The following SLC4A10 variants were observed in gnomAD, a reference collection of about 807,000 sequenced individuals.
SLC4A10 encodes solute carrier family 4 member 10, also known as sodium-driven chloride bicarbonate exchanger.
SLC4A10 carries 42 observed loss-of-function variants against 137.7 expected under a neutral mutation model. That is an observed-to-expected ratio of 0.30 (90% CI 0.24 to 0.39). The LOEUF (loss-of-function observed/expected upper bound fraction) is 0.39. Ranked by LOEUF, SLC4A10 falls within the 10% of genes least tolerant of loss-of-function variation. The pLI is 1.00. For synonymous variants in SLC4A10, 474 were observed against 464.1 expected, an observed-to-expected ratio of 1.02 and a Z score of -0.27; for missense variants, 925 against 1,355.0, an observed-to-expected ratio of 0.68 and a Z score of 4.98.
At chr2:161,913,289 A>G (rs1344846810) in intron 15 of SLC4A10, among the ~76,000 whole-genome samples, 2 of 152,120 alleles carry the variant, frequency 1.3e-5, no homozygotes, top group African/African-American at 2.4e-5. Context: ...CCACTAATAC[A>G]CATACCATCA....
intron 1 of SLC4A10, among the ~76,000 whole-genome samples, chr2:161,655,846 G>A (rs1052048793): frequency 2.0e-5 from 3 of 148,066 alleles, no homozygotes; most frequent in African/African-American, 5.1e-5. Flanking sequence ...ACGGAGTCTC[G>A]CTCTGTCACC....
Position 161,879,128 on chromosome 2 carries a change from C to T in SLC4A10, c.949-3C>T, listed in dbSNP as rs754533678. The T allele has an allele frequency of 1.8e-5, 29 of 1,612,046 alleles. No homozygotes were observed. The African/African-American group carries it at 3.9e-4, about 22-fold the overall frequency. On this transcript the variant is annotated splice_polypyrimidine_tract_variant and splice_region_variant and intron_variant, in intron 8 of 26. Coordinates refer to ENST00000446997, the MANE Select transcript of SLC4A10 (RefSeq NM_001178015.2). ...TATCATATTTACCTGGTGATGCTTG[C>T]AGGTTGATCTGCATTTTATGAAAAA...
intron 10 of SLC4A10, among the ~76,000 whole-genome samples, chr2:161,886,531 C>T (rs1005579988): frequency 6.6e-6 from 1 of 152,080 alleles, no homozygotes; most frequent in Non-Finnish European, 1.5e-5. Flanking sequence ...ACTTAAACTG[C>T]TCTCAATAAA....
At chr2:161,740,049 C>A (rs2047726039) in intron 1 of SLC4A10, among the ~76,000 whole-genome samples, 1 of 152,192 alleles carries the variant, frequency 6.6e-6, no homozygotes. Context: ...CAGTAAAAAG[C>A]CAAAGACAGG....
At chr2:161,957,315 A>T in intron 20 of SLC4A10, 75 bp downstream of exon 20, 1 of 1,492,162 alleles carries the variant, frequency 6.7e-7, no homozygotes, top group Non-Finnish European at 9.0e-7. Flanking sequence ...TTTGAATCTG[A>T]GCCATAAATT....
At chr2:161,848,692 C>G (rs2059641807) in intron 4 of SLC4A10, among the ~76,000 whole-genome samples, 1 of 151,936 alleles carries the variant, frequency 6.6e-6, no homozygotes, top group Admixed American at 6.6e-5. Flanking sequence ...GATGGTTCTA[C>G]ATATGTGGCT....
In SLC4A10 at chr2:161,964,274, A is replaced by G; in HGVS notation, c.3002A>G (p.Lys1001Arg). The change falls in exon 22 of 27, where the codon AAA becomes AGA. Residue 1001 changes from lysine to arginine, a missense_variant. Transcript: ENST00000446997. ...MSCLGLLWII[K>R]VSRAAIVFPM... Reference sequence around the variant, plus strand: ...TGCCTTGGCCTTTTGTGGATAATAAAAGTTTCAAGAGCTGCTATTGTCTTT... The same window carrying G: ...TGCCTTGGCCTTTTGTGGATAATAAGAGTTTCAAGAGCTGCTATTGTCTTT... 3.1e-6 allele frequency: 5 copies of G among 1,613,612 alleles called. No homozygotes were observed. The highest frequency in any genetic ancestry group is 4.2e-6 in the Non-Finnish European group (5 of 1,179,648).
intron 21 of SLC4A10, among the ~76,000 whole-genome samples, chr2:161,963,350 T>C (rs1011522566): frequency 1.3e-5 from 2 of 151,990 alleles, no homozygotes; most frequent in African/African-American, 2.4e-5. Context: ...ACAAATAACA[T>C]TGATTGAGAT....
At chr2:161,857,135 C>A (rs2060151829) in intron 5 of SLC4A10, among the ~76,000 whole-genome samples, 1 of 152,160 alleles carries the variant, frequency 6.6e-6, no homozygotes, top group South Asian at 2.1e-4. Flanking sequence ...AGTTCACTTT[C>A]ATTGTCCAAA....
chr2:161,765,319 CA>C (rs1487860583), intron 1 of SLC4A10, among the ~76,000 whole-genome samples: 2 of 151,954 alleles, frequency 1.3e-5, no homozygotes, highest in African/African-American at 4.8e-5. Flanking sequence ...AATGTTTATC[CA>C]ATGGGGCTGG....
chr2:161,768,397 A>T (rs904443351), intron 1 of SLC4A10, among the ~76,000 whole-genome samples: 1 of 151,954 alleles, frequency 6.6e-6, no homozygotes, highest in Non-Finnish European at 1.5e-5. Context: ...TCTTTTCCCC[A>T]GTGCACACTC....
intron 18 of SLC4A10, among the ~76,000 whole-genome samples, chr2:161,949,696 C>T (rs530545316): frequency 1.3e-5 from 2 of 151,576 alleles, no homozygotes; most frequent in South Asian, 4.2e-4. Context: ...TGCTTGGGAT[C>T]GGAAGTGTTT....
intron 17 of SLC4A10, among the ~76,000 whole-genome samples, 194 bp from the exon 18 acceptor site, chr2:161,948,954 A>G (rs930135901): frequency 2.6e-5 from 4 of 152,094 alleles, no homozygotes; most frequent in African/African-American, 9.7e-5. Context: ...GTGTGTACCA[A>G]TCTTAACGAC....
intron 23 of SLC4A10, among the ~76,000 whole-genome samples, chr2:161,967,622 C>G (rs1046025114): frequency 4.6e-5 from 7 of 152,126 alleles, no homozygotes; most frequent in Non-Finnish European, 1.0e-4. Flanking sequence ...CTCTCACTCA[C>G]CAGAAATTTG....
In SLC4A10 at chr2:161,872,387, G is replaced by A. The variant is rs756463275; in HGVS notation, c.858+3G>A. 2 of 1,611,334 alleles carry A rather than the reference G, an allele frequency of 1.2e-6. No individual in the cohort carries two copies. The highest frequency in any genetic ancestry group is 8.5e-7 in the Non-Finnish European group (1 of 1,177,884). ...ACAGCACTGTTGACTTTAGCAAGGT[G>A]AGCTTTTCTCCCTCTCATCTAAGTA... On this transcript the variant is annotated splice_donor_region_variant and intron_variant, in intron 7 of 26. Coordinates refer to ENST00000446997, the MANE Select transcript of SLC4A10 (RefSeq NM_001178015.2).
At chr2:161,901,678 CA>C (rs903415501) in intron 12 of SLC4A10, among the ~76,000 whole-genome samples, 2 of 152,040 alleles carry the variant, frequency 1.3e-5, no homozygotes, top group Non-Finnish European at 2.9e-5. Flanking sequence ...CCCCTCCCCT[CA>C]AGGCCATTTT....
intron 2 of SLC4A10, among the ~76,000 whole-genome samples, chr2:161,784,123 C>G (rs2053361629): frequency 6.6e-6 from 1 of 151,706 alleles, no homozygotes; most frequent in Admixed American, 6.6e-5. Flanking sequence ...TAAGTCAAAA[C>G]TCTCTCAAAA....
intron 1 of SLC4A10, among the ~76,000 whole-genome samples, chr2:161,632,676 G>A (rs1000913119): frequency 2.0e-5 from 3 of 151,284 alleles, no homozygotes; most frequent in Non-Finnish European, 4.4e-5. Flanking sequence ...ATTGTCAGGA[G>A]GGCTAGTTAA....
intron 15 of SLC4A10, among the ~76,000 whole-genome samples, chr2:161,907,018 T>G (rs1326452141): frequency 7.4e-6 from 1 of 135,142 alleles, no homozygotes; most frequent in South Asian, 2.3e-4. Context: ...ATCGCGCCAC[T>G]GCACTCCAGC....
Sources: gnomAD v4.1 joint callset for allele counts (sites outside exome capture counted in the v4.1 genomes callset) on GRCh38, gnomAD v4.1.1 for gene constraint, MANE v1.5 for transcripts, NCBI Gene and HGNC (gene_info 2026-07-23, HGNC 2026-07-21) for gene names.